The following IL3RA variants were observed in gnomAD, a reference collection of about 807,000 sequenced individuals.
The protein encoded by IL3RA is interleukin 3 receptor subunit alpha, also known as interleukin-3 receptor subunit alpha.
IL3RA carries 73 observed loss-of-function variants against 52.3 expected under a neutral mutation model. That is an observed-to-expected ratio of 1.40 (90% confidence interval 1.16 to 1.70). The LOEUF (loss-of-function observed/expected upper bound fraction) is 1.70, where lower values mean the gene tolerates loss of function less well. Ranked by LOEUF, IL3RA falls within the 40% of genes most tolerant of loss-of-function variation. IL3RA has a pLI of 0.00. For synonymous variants in IL3RA, 260 were observed against 194.0 expected (o/e 1.34, Z -2.83); for missense variants, 664 against 504.4 (o/e 1.32, Z -3.03).
chrX:1,381,995 A>G (rs375325892), intron 11 of IL3RA, among the ~76,000 whole-genome samples: 1 of 151,212 alleles, frequency 6.6e-6, no homozygotes, highest in East Asian at 2.0e-4. Context: ...CCCCGGCTGG[A>G]GTGCAATGGT....
At position 1,363,910 on chromosome X, in the gene IL3RA, C is replaced by T. The variant is rs1222719631; in HGVS notation, c.760-1228C>T. On this transcript the variant is annotated intron_variant, in intron 8 of 11. Transcript: ENST00000331035. Reference sequence around the variant, plus strand: ...ATTTAAAAAAAAATTTGGCTGGGCGCGGTGGCTCACGCTGGTAATCCCAGC... The same window carrying T: ...ATTTAAAAAAAAATTTGGCTGGGCGTGGTGGCTCACGCTGGTAATCCCAGC... Among the ~76,000 whole-genome samples the T allele has an allele frequency of 4.0e-5, 6 of 151,620 alleles. No individual in the cohort carries two copies. The East Asian group carries it at 5.9e-4, about 15-fold the overall frequency.
chrX:1,377,939 A>G (rs376536317), intron 9 of IL3RA, among the ~76,000 whole-genome samples: 45 of 151,136 alleles, frequency 3.0e-4, no homozygotes, highest in African/African-American at 1.1e-3. Flanking sequence ...TAATCCCAGC[A>G]CTTTGGGAGG....
At chrX:1,381,484 C>A (rs1382935351) in intron 11 of IL3RA, among the ~76,000 whole-genome samples, 4 of 151,664 alleles carry the variant, frequency 2.6e-5, no homozygotes, top group African/African-American at 9.7e-5. Context: ...ACTGGGCTCC[C>A]AGCCCACCGT....
rs1256501479 is a variant in IL3RA at position 1,343,652 on chromosome X, G to A, written c.65-1664G>A. 5.3e-5 allele frequency among the ~76,000 whole-genome samples: 7 copies of A among 132,684 alleles called. No individual in the cohort carries two copies. The East Asian group carries it at 8.8e-4, about 17-fold the overall frequency. The allele number at this position is 132,684 out of a possible 152,430, so 87.0% of individuals were successfully genotyped here. Reference sequence around the variant, plus strand: ...ATTGCACTCCAACCTGGGTGACAGAGCGAGGCTCCATCTCAAAAAAAAAAA... The same window carrying A: ...ATTGCACTCCAACCTGGGTGACAGAACGAGGCTCCATCTCAAAAAAAAAAA... On this transcript the variant is annotated intron_variant, in intron 2 of 11. Coordinates refer to ENST00000331035, the MANE Select transcript of IL3RA (RefSeq NM_002183.4).
chrX:1,343,944 C>T (rs778152379), intron 2 of IL3RA, among the ~76,000 whole-genome samples: 44 of 151,604 alleles, frequency 2.9e-4, no homozygotes, highest in Middle Eastern at 6.8e-3. Flanking sequence ...TACAGGCGCC[C>T]GCCACCACGC....
At chrX:1,337,018 A>G (rs1367343740) in intron 1 of IL3RA, 92 bp downstream of exon 1, 2 of 152,218 alleles carry the variant, frequency 1.3e-5, no homozygotes, top group Non-Finnish European at 2.9e-5. Flanking sequence ...GCTGGCAGAC[A>G]CGGGGCATTG....
At chrX:1,349,812 G>A (rs1380905936) in intron 4 of IL3RA, among the ~76,000 whole-genome samples, 20 of 151,766 alleles carry the variant, frequency 1.3e-4, no homozygotes, top group Admixed American at 2.6e-4. Context: ...ACAGGCACCC[G>A]CCACCAAGCC....
Position 1,378,878 on chromosome X carries a change from TGTCTCCC to T in IL3RA, c.980+115_980+121del. On this transcript the variant is annotated intron_variant, in intron 10 of 11. Coordinates refer to ENST00000331035, the MANE Select transcript of IL3RA (RefSeq NM_002183.4). ...TTATTTTTGTGATGGAGTCTCGCTC[TGTCTCCC>T]AGGCTGGAGTGCAGTGGCACGATCT... 2.9e-6 allele frequency: 3 copies of T among 1,020,138 alleles called. No homozygotes were observed. In the South Asian group the frequency reaches 4.4e-5, roughly 15 times the overall value. 63.2% of individuals were successfully genotyped at this position (1,020,138 alleles called of 1,614,324 possible).
At position 1,349,052 on chromosome X, in the gene IL3RA, G is replaced by C. The variant is rs372763951; in HGVS notation, c.298+507G>C. Among the ~76,000 whole-genome samples the C allele has an allele frequency of 2.2e-4, 32 of 148,520 alleles. 2 individuals carry two copies. In the East Asian group the frequency reaches 5.1e-3, roughly 24 times the overall value. The stretch of plus-strand genomic sequence containing the variant: ...TGACACGGTCTTGCTCTGTTGCCCA[G>C]GCTGGAGCGCAGTGGTGCAATCACA... On this transcript the variant is annotated intron_variant, in intron 4 of 11. Transcript: ENST00000331035.
At chrX:1,347,368 T>C (rs1490731165) in intron 3 of IL3RA, among the ~76,000 whole-genome samples, 43 of 150,894 alleles carry the variant, frequency 2.8e-4, no homozygotes, top group Non-Finnish European at 4.7e-4. Flanking sequence ...GGCTTGAACC[T>C]GGGAGGCAGA....
intron 8 of IL3RA, among the ~76,000 whole-genome samples, chrX:1,360,835 T>A (rs2087217340): frequency 6.7e-6 from 1 of 149,350 alleles, no homozygotes; most frequent in Admixed American, 6.7e-5. Context: ...GCCCCTCTCT[T>A]TATCTTTCTA....
rs756297956 is a variant in IL3RA at position 1,347,399 on chromosome X, C to T, written c.184-1032C>T. ...GCAGAAGCTTGCAGTGAGCCGAGATCGCGCCACTGCACTCCAGCCTGGGCG... is the reference window on the plus strand; with the variant it reads ...GCAGAAGCTTGCAGTGAGCCGAGATTGCGCCACTGCACTCCAGCCTGGGCG... On this transcript the variant is annotated intron_variant, in intron 3 of 11. Transcript: ENST00000331035. Among the ~76,000 whole-genome samples, 19 of 148,940 alleles carry T rather than the reference C, an allele frequency of 1.3e-4. 1 individual carries two copies. The highest frequency in any genetic ancestry group is 4.2e-4 in the South Asian group (2 of 4,812).
intron 8 of IL3RA, among the ~76,000 whole-genome samples, chrX:1,363,450 G>A (rs1164314846): frequency 3.3e-4 from 50 of 151,914 alleles, no homozygotes; most frequent in East Asian, 1.4e-3. Flanking sequence ...TCAGGCGCCC[G>A]CCACCGGGCC....
intron 7 of IL3RA, among the ~76,000 whole-genome samples, chrX:1,356,869 C>T (rs2086772790): frequency 6.6e-6 from 1 of 150,994 alleles, no homozygotes; most frequent in Non-Finnish European, 1.5e-5. Context: ...CTTGAACTTT[C>T]TTTTTTCTTT....
In IL3RA at chrX:1,361,662, A is replaced by G. The variant is rs754349101; in HGVS notation, c.759+2775A>G. ...CAGCTACTCGGGAGGCTGAAGCAGG[A>G]GAATCGCTTGAACCCGGGAGGCAGA... On this transcript the variant is annotated intron_variant, in intron 8 of 11. Coordinates refer to ENST00000331035, the MANE Select transcript of IL3RA (RefSeq NM_002183.4). Among the ~76,000 whole-genome samples the G allele has an allele frequency of 8.7e-5, 13 of 149,516 alleles. No individual in the cohort carries two copies. The South Asian group carries it at 1.5e-3, about 17-fold the overall frequency.
chrX:1,338,171 A>G (rs1221983694), intron 1 of IL3RA, among the ~76,000 whole-genome samples: 3 of 150,634 alleles, frequency 2.0e-5, no homozygotes, highest in African/African-American at 7.3e-5. Context: ...ACAGTGGAAT[A>G]TTACACAGCC....
At chrX:1,354,370 A>T (rs1455193821) in intron 6 of IL3RA, among the ~76,000 whole-genome samples, 1 of 151,860 alleles carries the variant, frequency 6.6e-6, no homozygotes, top group African/African-American at 2.4e-5. Flanking sequence ...CAATATGCCC[A>T]GAGCTGACGT....
At chrX:1,357,595 C>T (rs1210248480) in intron 7 of IL3RA, among the ~76,000 whole-genome samples, 2 of 151,488 alleles carry the variant, frequency 1.3e-5, no homozygotes, top group Admixed American at 6.6e-5. Context: ...AACTCCTGAC[C>T]TCATGATCCA....
chrX:1,341,362 A>G (rs2085483245), intron 1 of IL3RA, among the ~76,000 whole-genome samples: 1 of 151,824 alleles, frequency 6.6e-6, no homozygotes, highest in Non-Finnish European at 1.5e-5. Context: ...CACGGGCACA[A>G]AAATGTACAC....
Sources: allele counts gnomAD v4.1 joint callset (sites outside exome capture counted in the v4.1 genomes callset), GRCh38; gene constraint gnomAD v4.1.1; transcripts MANE v1.5; gene names NCBI Gene and HGNC (gene_info 2026-07-23, HGNC 2026-07-21).